FLVCR1: variants seen among roughly 807,000 people sequenced by gnomAD.
FLVCR1 encodes FLVCR choline and heme transporter 1, also known as choline/ethanolamine transporter FLVCR1.
FLVCR1 carries 34 observed loss-of-function variants against 53.6 expected under a neutral mutation model. The ratio of observed to expected loss-of-function variants is 0.63; its 90% CI spans 0.48 to 0.84. The LOEUF is 0.84. Among genes scored for constraint, FLVCR1 ranks in the 40% least tolerant of loss-of-function variants. The probability of loss-of-function intolerance (pLI) is 0.00; values close to 1 mark genes in which losing one functional copy is unlikely to be tolerated. For synonymous variants in FLVCR1, 300 were observed against 286.3 expected (o/e 1.05, Z -0.48); for missense variants, 677 against 696.7 (o/e 0.97, Z 0.32).
At chr1:212,893,064 T>G (rs1026616906) in intron 8 of FLVCR1, among the ~76,000 whole-genome samples, 18 of 123,438 alleles carry the variant, frequency 1.5e-4, no homozygotes, top group African/African-American at 4.9e-4. Flanking sequence ...TTCTTTTTTT[T>G]TGGGGGGGGG....
Position 212,898,428 on chromosome 1 carries a change from T to C in FLVCR1, c.*3138T>C, listed in dbSNP as rs981611447. ...TAAGGTCTCTCCCCAAATGTTTTTA[T>C]TTTTAAACTATCAATGTTGTTTAAA... On this transcript the variant is annotated 3_prime_UTR_variant, in exon 10 of 10. Transcript: ENST00000366971. 1.3e-5 allele frequency: 2 copies of C among 152,250 alleles called. No individual in the cohort carries two copies. The highest frequency in any genetic ancestry group is 4.8e-5 in the African/African-American group (2 of 41,474). The allele number at this position is 152,250 out of a possible 1,614,324, so 9.4% of individuals were successfully genotyped here.
intron 8 of FLVCR1, among the ~76,000 whole-genome samples, chr1:212,889,773 A>AAAG (rs34287315): frequency 6.6e-6 from 1 of 151,070 alleles, no homozygotes; most frequent in Non-Finnish European, 1.5e-5. Context: ...AAAAAAAAAA[A>AAAG]GAGTAGTAAA....
At chr1:212,881,152 A>G (rs1396480696) in intron 3 of FLVCR1, among the ~76,000 whole-genome samples, 1 of 152,220 alleles carries the variant, frequency 6.6e-6, no homozygotes, top group South Asian at 2.1e-4. Flanking sequence ...GATTGTCCAT[A>G]TGGGAAAAAT....
intron 3 of FLVCR1, among the ~76,000 whole-genome samples, chr1:212,879,465 T>C (rs146462682): frequency 1.1e-3 from 167 of 152,272 alleles, no homozygotes; most frequent in Non-Finnish European, 2.0e-3. Flanking sequence ...ACTTCTAGAA[T>C]AGAGCTTCGG....
At chr1:212,892,654 A>G (rs1665222280) in intron 8 of FLVCR1, among the ~76,000 whole-genome samples, 1 of 152,212 alleles carries the variant, frequency 6.6e-6, no homozygotes, top group South Asian at 2.1e-4. Context: ...CTGGAAACAC[A>G]GCATCCCTTC....
chr1:212,859,285 C>T, intron 1 of FLVCR1, 95 bp downstream of exon 1: 6 of 1,564,388 alleles, frequency 3.8e-6, no homozygotes, highest in Middle Eastern at 2.0e-4. Flanking sequence ...TGAACTGCCC[C>T]AGGAGGTATT....
intron 3 of FLVCR1, among the ~76,000 whole-genome samples, chr1:212,878,363 A>T (rs955178372): frequency 6.6e-6 from 1 of 151,868 alleles, no homozygotes. Context: ...TGAGCCGGGC[A>T]TGGTGGTGGG....
Position 212,858,350 on chromosome 1 carries a change from A to T in FLVCR1, c.-103A>T. On this transcript the variant is annotated 5_prime_UTR_variant, in exon 1 of 10. Coordinates refer to ENST00000366971, the MANE Select transcript of FLVCR1 (RefSeq NM_014053.4). Reference sequence around the variant, plus strand: ...CCACCGGGGAAGGAGCGGTGGGCCGAGGGGTTGGAGGTGGGGCCCCAGGAG... The same window carrying T: ...CCACCGGGGAAGGAGCGGTGGGCCGTGGGGTTGGAGGTGGGGCCCCAGGAG... 2.7e-6 allele frequency: 3 copies of T among 1,105,408 alleles called. No individual in the cohort carries two copies. The highest frequency in any genetic ancestry group is 3.7e-6 in the Non-Finnish European group (3 of 813,756). The allele number at this position is 1,105,408 out of a possible 1,614,324, so 68.5% of individuals were successfully genotyped here.
At chr1:212,861,058 C>A (rs1488289725) in intron 1 of FLVCR1, among the ~76,000 whole-genome samples, 1 of 152,154 alleles carries the variant, frequency 6.6e-6, no homozygotes, top group African/African-American at 2.4e-5. Context: ...CACATCCTTA[C>A]CCCCTGCAGT....
At chr1:212,871,111 G>A (rs28505349) in intron 2 of FLVCR1, among the ~76,000 whole-genome samples, 2,673 of 152,102 alleles carry the variant, frequency 0.018, 82 homozygotes, top group African/African-American at 0.058. Context: ...TCAATCTTGA[G>A]GTATACCTTT....
chr1:212,870,059 A>G (rs781167040), intron 2 of FLVCR1: 2 of 152,240 alleles, frequency 1.3e-5, no homozygotes, highest in Non-Finnish European at 2.9e-5. Context: ...ATTAGGATAC[A>G]AAGAGACTCA....
chr1:212,872,970 A>G (rs1664646423), intron 3 of FLVCR1, 152 bp downstream of exon 3: 3 of 762,494 alleles, frequency 3.9e-6, no homozygotes, highest in Non-Finnish European at 6.4e-6. Context: ...CAGAAAATCC[A>G]GGATGGATCT....
intron 2 of FLVCR1, among the ~76,000 whole-genome samples, chr1:212,864,124 G>T (rs1224135581): frequency 6.6e-6 from 1 of 152,046 alleles, no homozygotes; most frequent in African/African-American, 2.4e-5. Context: ...GGTAACTGTT[G>T]GTTTCAAATA....
intron 8 of FLVCR1, 133 bp from the exon 9 acceptor site, chr1:212,894,853 G>A: frequency 1.4e-6 from 1 of 729,366 alleles, no homozygotes; most frequent in Non-Finnish European, 2.5e-6. Context: ...TATTTTTTAG[G>A]CTGTTGGGAT....
At chr1:212,879,948 C>A (rs1261958338) in intron 3 of FLVCR1, among the ~76,000 whole-genome samples, 7 of 151,034 alleles carry the variant, frequency 4.6e-5, no homozygotes, top group African/African-American at 1.5e-4. Flanking sequence ...ACTTAGATAC[C>A]ATACTCTAGG....
chr1:212,885,236 G>A, intron 4 of FLVCR1, 57 bp from the exon 5 acceptor site: 1 of 1,120,130 alleles, frequency 8.9e-7, no homozygotes, highest in Non-Finnish European at 1.4e-6. Context: ...GGAATGTGAA[G>A]AGTCTGAATT....
intron 6 of FLVCR1, 45 bp from the exon 7 acceptor site, chr1:212,888,444 G>T (rs772940520): frequency 7.6e-7 from 1 of 1,308,360 alleles, no homozygotes; most frequent in Non-Finnish European, 1.1e-6. Context: ...ATGTGATTGT[G>T]ACTTTCTGGT....
intron 8 of FLVCR1, 35 bp from the exon 9 acceptor site, chr1:212,894,951 A>G: frequency 1.4e-6 from 2 of 1,451,674 alleles, no homozygotes; most frequent in Admixed American, 1.7e-5. Flanking sequence ...TCTTCACATA[A>G]CAGTTTATAG....
Position 212,858,422 on chromosome 1 carries a change from G to A in FLVCR1, c.-31G>A, listed in dbSNP as rs1163864658. 1.4e-6 allele frequency: 2 copies of A among 1,429,302 alleles called. No homozygotes were observed. The highest frequency in any genetic ancestry group is 1.5e-5 in the South Asian group (1 of 67,542). 88.5% of individuals were successfully genotyped at this position (1,429,302 alleles called of 1,614,324 possible). ...AGAGCGGAGTCGGGGAGTGGGGCGG[G>A]GGAGCGAGGTGGCGCCGGGGAGCCT... On this transcript the variant is annotated 5_prime_UTR_variant, in exon 1 of 10. Coordinates refer to ENST00000366971, the MANE Select transcript of FLVCR1 (RefSeq NM_014053.4).
Sources: gnomAD v4.1 joint callset for allele counts (sites outside exome capture counted in the v4.1 genomes callset) on GRCh38, gnomAD v4.1.1 for gene constraint, MANE v1.5 for transcripts, NCBI Gene and HGNC (gene_info 2026-07-23, HGNC 2026-07-21) for gene names.